Variants in ABCB11 observed in about 807,000 individuals in gnomAD.
ABCB11 encodes ATP binding cassette subfamily B member 11, also known as bile salt export pump.
A neutral mutation model predicts 148.0 loss-of-function variants in ABCB11; 95 were observed. That is an observed-to-expected ratio of 0.64 (90% confidence interval 0.54 to 0.76). The LOEUF (loss-of-function observed/expected upper bound fraction) is 0.76, where lower values mean the gene tolerates loss of function less well. Ranked by LOEUF, ABCB11 falls within the 30% of genes least tolerant of loss-of-function variation. The probability of loss-of-function intolerance (pLI) is 0.00; values close to 1 mark genes in which losing one functional copy is unlikely to be tolerated. For synonymous variants in ABCB11, 591 were observed against 555.4 expected (o/e 1.06, Z -0.90); for missense variants, 1,523 against 1,617.8 (o/e 0.94, Z 1.01).
At position 168,969,504 on chromosome 2, in the gene ABCB11, C is replaced by A. The variant is rs760948323; in HGVS notation, c.1857G>T (p.Thr619=). 7 of 1,612,350 alleles carry A rather than the reference C, an allele frequency of 4.3e-6. No homozygotes were observed. In the Admixed American group the frequency reaches 1.2e-4, roughly 27 times the overall value. Residue 619 remains threonine (T), a synonymous_variant, in exon 16 of 28, where the codon ACG becomes ACT. Transcript: ENST00000650372. ...CAATGATGGTATCTGCAGCTCTGAC[C>A]GTAGACAAGCGATGAGCAACTGAAA... is the stretch of plus-strand genomic sequence containing the variant. ...TIISVAHRLS[T]VRAADTIIGF...
In ABCB11 at chr2:168,932,379, A is replaced by G; in HGVS notation, c.3211T>C (p.Trp1071Arg). The change falls in exon 24 of 28, where the codon TGG becomes CGG. Residue 1071 changes from tryptophan to arginine, a missense_variant and splice_region_variant. By Grantham distance (101) the Trp-to-Arg change is moderately radical. Transcript: ENST00000650372. ...ISVYNTAGEK[W>R]DNFQGKIDFV... ...CTGCATAGTATTCCAACACTTACCC[A>G]TTTTTCACCTGCAGTATTGTATACA... is the stretch of plus-strand genomic sequence containing the variant. The G allele has an allele frequency of 6.4e-7, 1 of 1,555,846 alleles. No individual in the cohort carries two copies. Among genetic ancestry groups the G allele is most frequent in the Non-Finnish European group, 8.7e-7 (1 of 1,149,240 alleles).
chr2:168,927,857 T>C (rs1691385302), intron 25 of ABCB11, among the ~76,000 whole-genome samples: 1 of 152,198 alleles, frequency 6.6e-6, no homozygotes, highest in Admixed American at 6.5e-5. Flanking sequence ...ATTTATTCAC[T>C]TAGTCAATCA....
At chr2:169,004,054 C>A (rs12618846) in intron 5 of ABCB11, among the ~76,000 whole-genome samples, 21 of 152,242 alleles carry the variant, frequency 1.4e-4, no homozygotes, top group Middle Eastern at 3.4e-3. Flanking sequence ...TTATAGGTTA[C>A]CTGGTGCTTT....
chr2:168,944,458 G>A (rs2105911853), intron 21 of ABCB11, 147 bp downstream of exon 21: 5 of 850,846 alleles, frequency 5.9e-6, no homozygotes, highest in Non-Finnish European at 8.9e-6. Flanking sequence ...GTTTGTCAGT[G>A]TTAGAAGCAG....
rs1269456376 is a variant in ABCB11, at chr2:168,923,664, TC to T, written c.3923del (p.Gly1308GlufsTer6). 6 of 1,613,632 alleles carry T rather than the reference TC, an allele frequency of 3.7e-6. No homozygotes were observed. The highest frequency in any genetic ancestry group is 1.3e-5 in the African/African-American group (1 of 74,840). On this transcript the variant is annotated frameshift_variant, in exon 28 of 28. Transcript: ENST00000650372. LOFTEE classifies it high-confidence loss of function. The part of the protein sequence containing the change: ...GTHEELMAQK[G>X]AYYKLVTTGS... ...CAGTGGTGACTAGTTTGTAGTAGGC[TC>T]CTTTTTGGGCCATCAGTTCTTCATG...
intron 20 of ABCB11, 30 bp downstream of exon 20, chr2:168,944,827 A>G (rs1417386651): frequency 6.2e-7 from 1 of 1,606,396 alleles, no homozygotes; most frequent in South Asian, 1.1e-5. Flanking sequence ...AAAATAACTA[A>G]ATCACTTACT....
intron 14 of ABCB11, among the ~76,000 whole-genome samples, chr2:168,971,508 T>A (rs1390357090): frequency 2.0e-5 from 3 of 152,024 alleles, no homozygotes; most frequent in Non-Finnish European, 2.9e-5. Flanking sequence ...ACATTTAGCA[T>A]CTGCTTAGAC....
At chr2:168,924,483 A>C in intron 27 of ABCB11, among the ~76,000 whole-genome samples, 174 bp downstream of exon 27, 1 of 152,198 alleles carries the variant, frequency 6.6e-6, no homozygotes, top group East Asian at 1.9e-4. Flanking sequence ...TTTTTGAAGC[A>C]ATCTTATATT....
At chr2:168,985,371 T>G (rs1694280667) in intron 10 of ABCB11, among the ~76,000 whole-genome samples, 1 of 152,134 alleles carries the variant, frequency 6.6e-6, no homozygotes, top group South Asian at 2.1e-4. Flanking sequence ...AGAACTACCA[T>G]TTGATCCAGC....
At chr2:169,009,235 C>T (rs895030733) in intron 5 of ABCB11, among the ~76,000 whole-genome samples, 6 of 151,988 alleles carry the variant, frequency 3.9e-5, no homozygotes, top group Admixed American at 6.6e-5. Context: ...TGGGTATATA[C>T]CCAAAGGATT....
chr2:168,924,835 GA>G lies in ABCB11; in HGVS notation c.3619-33del, dbSNP rs772847215. On this transcript the variant is annotated intron_variant, in intron 26 of 27. Transcript: ENST00000650372. ...AAAAGTATGATAAGTTTGAGAAATA[GA>G]AACAGTTATTGCTCCTGTGCTGTAC... 1.1e-5 allele frequency: 17 copies of G among 1,599,420 alleles called. No homozygotes were observed. The Admixed American group carries it at 2.5e-4, about 24-fold the overall frequency.
At chr2:168,927,129 A>C (rs1691351369) in intron 26 of ABCB11, 27 bp downstream of exon 26, 1 of 1,584,174 alleles carries the variant, frequency 6.3e-7, no homozygotes, top group Non-Finnish European at 8.7e-7. Flanking sequence ...TGTCTCTCAT[A>C]GGGAATGGCT....
chr2:168,975,273 AAATATATG>A (rs1425793042), intron 12 of ABCB11, among the ~76,000 whole-genome samples: 29 of 78,574 alleles, frequency 3.7e-4, no homozygotes, highest in African/African-American at 1.8e-3. Context: ...ATTTATAGAT[AAATATATG>A]AATATTTAAA....
chr2:168,944,679 A>G lies in ABCB11; in HGVS notation c.2536T>C (p.Trp846Arg), dbSNP rs1692221144. ...FRAMLGQDIA[W>R]FDDLRNSPGA... ...GGGCTATTTCTGAGGTCATCAAACC[A>G]GGCAATATCTTGCCCCAGCATTGCC... Residue 846 changes from tryptophan (W) to arginine (R), a missense_variant, in exon 21 of 28, where the codon TGG (tryptophan) becomes CGG (arginine). Coordinates refer to ENST00000650372, the MANE Select transcript of ABCB11 (RefSeq NM_003742.4). 1.2e-6 allele frequency: 2 copies of G among 1,612,812 alleles called. No individual in the cohort carries two copies. Among genetic ancestry groups the G allele is most frequent in the African/African-American group, 2.7e-5 (2 of 74,848 alleles).
chr2:168,950,758 C>T (rs1692527343), intron 19 of ABCB11, among the ~76,000 whole-genome samples: 1 of 151,762 alleles, frequency 6.6e-6, no homozygotes, highest in Admixed American at 6.6e-5. Context: ...GCTTCTTTTG[C>T]TGTGCAAAAG....
intron 5 of ABCB11, among the ~76,000 whole-genome samples, chr2:169,007,288 G>T (rs537078132): frequency 6.6e-6 from 1 of 152,150 alleles, no homozygotes; most frequent in African/African-American, 2.4e-5. Context: ...TGGAACAACT[G>T]GCTATCCATG....
intron 5 of ABCB11, among the ~76,000 whole-genome samples, chr2:168,998,650 G>A (rs1039477271): frequency 3.3e-5 from 5 of 152,038 alleles, no homozygotes; most frequent in Non-Finnish European, 5.9e-5. Context: ...CACTGTAAGC[G>A]GAAGTGATGA....
intron 16 of ABCB11, among the ~76,000 whole-genome samples, chr2:168,968,886 A>G (rs944785534): frequency 6.6e-6 from 1 of 151,938 alleles, no homozygotes; most frequent in Admixed American, 6.6e-5. Context: ...TAATGGAGTG[A>G]AATGGTGGAG....
intron 1 of ABCB11, among the ~76,000 whole-genome samples, chr2:169,026,558 A>T (rs1357354951): frequency 6.6e-6 from 1 of 152,240 alleles, no homozygotes. Context: ...TCTAGAAAGA[A>T]TGAAGGCCTT....
Sources: gnomAD v4.1 joint callset for allele counts (sites outside exome capture counted in the v4.1 genomes callset) on GRCh38, gnomAD v4.1.1 for gene constraint, MANE v1.5 for transcripts, NCBI Gene and HGNC (gene_info 2026-07-23, HGNC 2026-07-21) for gene names.